RPRD1B: variants seen among roughly 807,000 people sequenced by gnomAD.
RPRD1B encodes the protein regulation of nuclear pre-mRNA domain containing 1B.
In RPRD1B, 11 loss-of-function variants were observed where a neutral mutation model predicts 41.5. That is an observed-to-expected ratio of 0.27 (90% confidence interval 0.17 to 0.44). RPRD1B has a LOEUF of 0.44. Ranked by LOEUF, RPRD1B falls within the 20% of genes least tolerant of loss-of-function variation. RPRD1B has a pLI of 1.00. For missense variants in RPRD1B, 248 were observed against 389.9 expected (o/e 0.64, Z 3.06); for synonymous variants, 158 against 155.6 (o/e 1.02, Z -0.12).
chr20:38,034,118 C>G lies in RPRD1B; in HGVS notation c.151+20C>G. 2 of 1,606,594 alleles carry G rather than the reference C, an allele frequency of 1.2e-6. No individual in the cohort carries two copies. Among genetic ancestry groups the G allele is most frequent in the Middle Eastern group, 1.7e-4 (1 of 6,014 alleles). On this transcript the variant is annotated intron_variant, in intron 1 of 6. Coordinates refer to ENST00000373433, the MANE Select transcript of RPRD1B (RefSeq NM_021215.4). ...GCAAAGGTAAACACCAAATCCCCACCCCCTGGACGGTCCCCGGATTGTCCT... is the reference window on the plus strand; with the variant it reads ...GCAAAGGTAAACACCAAATCCCCACGCCCTGGACGGTCCCCGGATTGTCCT...
At chr20:38,036,911 A>T (rs1237485292) in intron 1 of RPRD1B, among the ~76,000 whole-genome samples, 1 of 152,158 alleles carries the variant, frequency 6.6e-6, no homozygotes, top group Non-Finnish European at 1.5e-5. Context: ...CTAGTGGCTA[A>T]CTTACTGGAC....
intron 6 of RPRD1B, among the ~76,000 whole-genome samples, chr20:38,082,570 A>G (rs1356165141): frequency 6.6e-6 from 1 of 151,862 alleles, no homozygotes; most frequent in African/African-American, 2.4e-5. Flanking sequence ...TGTATTTTTA[A>G]TAGAGACGGG....
At chr20:38,087,110 C>G (rs180675979) in intron 6 of RPRD1B, among the ~76,000 whole-genome samples, 1 of 152,088 alleles carries the variant, frequency 6.6e-6, no homozygotes, top group Non-Finnish European at 1.5e-5. Flanking sequence ...AGGCACCCAC[C>G]ACCCTGCCCA....
In RPRD1B at chr20:38,091,126, TGGCA is replaced by T. The variant is rs959148762; in HGVS notation, c.*1255_*1258del. The T allele has an allele frequency of 2.0e-4, 193 of 985,760 alleles. No homozygotes were observed. Among genetic ancestry groups the T allele is most frequent in the Non-Finnish European group, 2.3e-4 (188 of 829,934 alleles). 61.1% of individuals were successfully genotyped at this position (985,760 alleles called of 1,614,324 possible). On this transcript the variant is annotated 3_prime_UTR_variant, in exon 7 of 7. Transcript: ENST00000373433. ...CTGCCAATTGTAAATCATTCTAATT[TGGCA>T]GGCTTATTTTTGACATTGGAAAGGG... is the stretch of plus-strand genomic sequence containing the variant.
At chr20:38,047,692 T>C (rs1255915035) in intron 2 of RPRD1B, among the ~76,000 whole-genome samples, 2 of 152,102 alleles carry the variant, frequency 1.3e-5, no homozygotes, top group East Asian at 3.9e-4. Context: ...AGTTAACATG[T>C]CAGGGGAAAA....
rs577732983 is a variant in RPRD1B at position 38,083,738 on chromosome 20, G to A, written c.832-5988G>A. Among the ~76,000 whole-genome samples the A allele has an allele frequency of 4.6e-5, 7 of 152,246 alleles. No homozygotes were observed. The South Asian group carries it at 1.0e-3, about 23-fold the overall frequency. ...AATACTTTGTGTGTACCTTTATTAC[G>A]GGTTTTGATAGTGGAGCTGAGAGGC... On this transcript the variant is annotated intron_variant, in intron 6 of 6. Coordinates refer to ENST00000373433, the MANE Select transcript of RPRD1B (RefSeq NM_021215.4).
At chr20:38,071,520 C>A (rs935699731) in intron 6 of RPRD1B, among the ~76,000 whole-genome samples, 2 of 152,050 alleles carry the variant, frequency 1.3e-5, no homozygotes, top group African/African-American at 4.8e-5. Context: ...TTTTGTGTGG[C>A]CATATCTTTT....
intron 1 of RPRD1B, 91 bp downstream of exon 1, chr20:38,034,189 C>A: frequency 2.1e-6 from 3 of 1,398,796 alleles, no homozygotes; most frequent in Non-Finnish European, 2.9e-6. Context: ...TTCATTGAGC[C>A]TTGCTTTCCA....
At chr20:38,073,220 G>T (rs1418545721) in intron 6 of RPRD1B, among the ~76,000 whole-genome samples, 1 of 152,210 alleles carries the variant, frequency 6.6e-6, no homozygotes, top group East Asian at 1.9e-4. Flanking sequence ...GTCATAAAAT[G>T]ATTGCATGAA....
At chr20:38,040,199 C>T (rs1265963915) in intron 1 of RPRD1B, among the ~76,000 whole-genome samples, 1 of 151,754 alleles carries the variant, frequency 6.6e-6, no homozygotes, top group South Asian at 2.1e-4. Flanking sequence ...ATTAATTACC[C>T]TGGTTTAAAC....
At chr20:38,038,595 C>T (rs539255830) in intron 1 of RPRD1B, among the ~76,000 whole-genome samples, 1 of 149,122 alleles carries the variant, frequency 6.7e-6, no homozygotes, top group East Asian at 2.0e-4. Flanking sequence ...CTCCTGGGCT[C>T]ACCCCATTGT....
chr20:38,041,027 G>A (rs2074060909), intron 2 of RPRD1B, among the ~76,000 whole-genome samples: 1 of 152,160 alleles, frequency 6.6e-6, no homozygotes, highest in African/African-American at 2.4e-5. Context: ...TGCAATAATA[G>A]TAATTATTAG....
chr20:38,038,490 G>GTTTTTTTTTTT (rs150397040), intron 1 of RPRD1B, among the ~76,000 whole-genome samples: 8 of 76,766 alleles, frequency 1.0e-4, no homozygotes, highest in South Asian at 4.1e-4. Context: ...TTTTTGTTTT[G>GTTTTTTTTTTT]TTTTTTTTTT....
At chr20:38,088,365 C>T (rs1479000897) in intron 6 of RPRD1B, among the ~76,000 whole-genome samples, 1 of 152,220 alleles carries the variant, frequency 6.6e-6, no homozygotes, top group Non-Finnish European at 1.5e-5. Flanking sequence ...TGTTATGGTC[C>T]AGTTCCCTCA....
intron 1 of RPRD1B, among the ~76,000 whole-genome samples, chr20:38,037,596 G>A (rs990247355): frequency 1.1e-4 from 17 of 152,212 alleles, no homozygotes; most frequent in African/African-American, 3.9e-4. Flanking sequence ...GTGACTGTGT[G>A]TGCTCAAGAG....
intron 5 of RPRD1B, 104 bp downstream of exon 5, chr20:38,059,624 T>G (rs1023875671): frequency 1.8e-6 from 2 of 1,111,624 alleles, no homozygotes; most frequent in African/African-American, 3.2e-5. Flanking sequence ...CTACTTTCCA[T>G]GTTGTATTGG....
At chr20:38,035,873 T>A (rs1276336885) in intron 1 of RPRD1B, among the ~76,000 whole-genome samples, 1 of 151,886 alleles carries the variant, frequency 6.6e-6, no homozygotes, top group Admixed American at 6.6e-5. Flanking sequence ...CATGCCATTC[T>A]CCTGCCTCAG....
rs970872956 is a variant in RPRD1B at position 38,090,651 on chromosome 20, A to G, written c.*776A>G. The G allele has an allele frequency of 1.0e-6, 1 of 985,376 alleles. No homozygotes were observed. The highest frequency in any genetic ancestry group is 1.7e-5 in the African/African-American group (1 of 57,258). The allele number at this position is 985,376 out of a possible 1,614,324, so 61.0% of individuals were successfully genotyped here. A position where few individuals can be genotyped will look rare whatever the true frequency, so the allele number is the denominator to read the frequency against. ...GTCGGAGCACGTTCCGAAAAACAGA[A>G]TGCCTTGATCCCTGGTGGGTGCGAA... On this transcript the variant is annotated 3_prime_UTR_variant, in exon 7 of 7. Transcript: ENST00000373433.
intron 3 of RPRD1B, among the ~76,000 whole-genome samples, chr20:38,050,621 T>A (rs2074175737): frequency 6.6e-6 from 1 of 152,194 alleles, no homozygotes; most frequent in Non-Finnish European, 1.5e-5. Context: ...ATATGCTAGA[T>A]GCTATAGGAA....
Sources: allele counts gnomAD v4.1 joint callset (sites outside exome capture counted in the v4.1 genomes callset), GRCh38; gene constraint gnomAD v4.1.1; transcripts MANE v1.5; gene names NCBI Gene and HGNC (gene_info 2026-07-23, HGNC 2026-07-21).